Variants in PRR14L observed in about 807,000 individuals in gnomAD.
PRR14L encodes the protein protein PRR14L.
PRR14L carries 80 observed loss-of-function variants against 155.0 expected under a neutral mutation model. The ratio of observed to expected loss-of-function variants is 0.52; its 90% confidence interval spans 0.43 to 0.62. The LOEUF (loss-of-function observed/expected upper bound fraction) is 0.62. Ranked by LOEUF, PRR14L falls within the 20% of genes least tolerant of loss-of-function variation. The pLI, the probability that PRR14L is intolerant of heterozygous loss-of-function variation, is 0.00. For synonymous variants in PRR14L, 883 were observed against 916.0 expected, an observed-to-expected ratio of 0.96 and a Z score of 0.65; for missense variants, 2,469 against 2,548.0, an observed-to-expected ratio of 0.97 and a Z score of 0.67.
In PRR14L at chr22:31,681,450, C is replaced by T. The variant is rs2074453310; in HGVS notation, c.*4077G>A. 1 of 152,174 alleles carries T rather than the reference C, an allele frequency of 6.6e-6. No individual in the cohort carries two copies. The highest frequency in any genetic ancestry group is 2.4e-5 in the African/African-American group (1 of 41,442). The allele number at this position is 152,174 out of a possible 1,614,324, so 9.4% of individuals were successfully genotyped here. A position where few individuals can be genotyped will look rare whatever the true frequency, so the allele number is the denominator to read the frequency against. On this transcript the variant is annotated 3_prime_UTR_variant, in exon 9 of 9. Coordinates refer to ENST00000327423, the MANE Select transcript of PRR14L (RefSeq NM_173566.3). ...AACAGAAAAGGAACTGCAGGGGCAT[C>T]ATGTATACCAATGTTACCAAAAATG... is the stretch of plus-strand genomic sequence containing the variant.
Position 31,704,689 on chromosome 22 carries a change from C to T in PRR14L, c.5794G>A (p.Glu1932Lys). 1 of 1,613,938 alleles carries T rather than the reference C, an allele frequency of 6.2e-7. No individual in the cohort carries two copies. Among genetic ancestry groups the T allele is most frequent in the Non-Finnish European group, 8.5e-7 (1 of 1,179,930 alleles). The change falls in exon 5 of 9, where the codon GAA (glutamate) becomes AAA (lysine). Residue 1932 changes from glutamate to lysine, a missense_variant. Around this residue, in one of 2 missense-constraint regions of PRR14L, gnomAD observed 2,363 missense variants for 2,371.6 expected, o/e 1.00. Transcript: ENST00000327423. Reference sequence around the variant, plus strand: ...CTGCCGCTGGTGTTATATGTAGCTTCCATGCCTGGAAGAGGCACATATGGT... The same window carrying T: ...CTGCCGCTGGTGTTATATGTAGCTTTCATGCCTGGAAGAGGCACATATGGT... ...MLPYVPLPGMEATYNTSGSQT... is the reference protein window; with the variant it reads ...MLPYVPLPGMKATYNTSGSQT...
chr22:31,702,647 C>T (rs1416808643), intron 6 of PRR14L, among the ~76,000 whole-genome samples: 1 of 152,028 alleles, frequency 6.6e-6, no homozygotes, highest in Non-Finnish European at 1.5e-5. Flanking sequence ...TCCAGAGTAC[C>T]TGGGATTACA....
intron 1 of PRR14L, among the ~76,000 whole-genome samples, chr22:31,748,091 C>T (rs796714467): frequency 6.6e-6 from 1 of 151,728 alleles, no homozygotes; most frequent in Non-Finnish European, 1.5e-5. Flanking sequence ...TAACACTAGG[C>T]GCTGCCATGC....
At position 31,681,503 on chromosome 22, in the gene PRR14L, G is replaced by A. The variant is rs1240273465; in HGVS notation, c.*4024C>T. 6.6e-6 allele frequency: 1 copy of A among 152,122 alleles called. No homozygotes were observed. Among genetic ancestry groups the A allele is most frequent in the Non-Finnish European group, 1.5e-5 (1 of 68,016 alleles). The allele number at this position is 152,122 out of a possible 1,614,324, so 9.4% of individuals were successfully genotyped here. On this transcript the variant is annotated 3_prime_UTR_variant, in exon 9 of 9. Transcript: ENST00000327423. ...CAAATTTCATTGAACTACTGACCAT[G>A]ATAATATATAAACATGTCAGGCAGC...
At chr22:31,705,003 T>C (rs112677167) in intron 4 of PRR14L, among the ~76,000 whole-genome samples, 1,672 of 152,276 alleles carry the variant, frequency 0.011, 32 homozygotes, top group African/African-American at 0.038. Context: ...CTGATGCCTA[T>C]AATCCCAGCA....
chr22:31,723,713 G>A (rs1048689322), intron 3 of PRR14L, among the ~76,000 whole-genome samples: 1 of 152,234 alleles, frequency 6.6e-6, no homozygotes, highest in African/African-American at 2.4e-5. Flanking sequence ...ATCTGCAGCA[G>A]CAGGAAGCTG....
intron 3 of PRR14L, among the ~76,000 whole-genome samples, chr22:31,721,809 CACATT>C (rs1482093403): frequency 1.3e-5 from 2 of 152,124 alleles, no homozygotes; most frequent in African/African-American, 4.8e-5. Context: ...CCAAACCATG[CACATT>C]ACATATCAAT....
rs1188973709 is a variant in PRR14L at position 31,714,891 on chromosome 22, T to C, written c.2948A>G (p.Lys983Arg). The C allele has an allele frequency of 1.3e-5, 20 of 1,551,850 alleles. No individual in the cohort carries two copies. The South Asian group carries it at 2.4e-4, about 18-fold the overall frequency. ...CTCCTTGGCTGACTGACCTTCACTT[T>C]TGCATTCATCTGGTCTGTTTTGGTT... ...QSNQNRPDECKSEGQSAKEML... is the reference protein window; with the variant it reads ...QSNQNRPDECRSEGQSAKEML... The change falls in exon 4 of 9, where the codon AAA (lysine) becomes AGA (arginine). Residue 983 changes from lysine to arginine, a missense_variant. Coordinates refer to ENST00000327423, the MANE Select transcript of PRR14L (RefSeq NM_173566.3).
intron 4 of PRR14L, among the ~76,000 whole-genome samples, chr22:31,706,290 G>T (rs900657333): frequency 2.1e-5 from 3 of 145,602 alleles, no homozygotes; most frequent in Non-Finnish European, 3.0e-5. Flanking sequence ...TTGAACCCAG[G>T]AGGCAGAGGC....
At chr22:31,733,130 G>T (rs1027249152) in intron 2 of PRR14L, among the ~76,000 whole-genome samples, 2 of 151,656 alleles carry the variant, frequency 1.3e-5, no homozygotes, top group Admixed American at 6.6e-5. Flanking sequence ...TGGGATTACA[G>T]GCGACCGCCA....
chr22:31,725,860 C>A (rs141544773), intron 2 of PRR14L, among the ~76,000 whole-genome samples: 1 of 151,812 alleles, frequency 6.6e-6, no homozygotes, highest in Non-Finnish European at 1.5e-5. Context: ...CTACAGACAG[C>A]GTTTCACCAT....
At chr22:31,720,191 C>G (rs1382443355) in intron 3 of PRR14L, among the ~76,000 whole-genome samples, 1 of 152,104 alleles carries the variant, frequency 6.6e-6, no homozygotes, top group Non-Finnish European at 1.5e-5. Flanking sequence ...CTTTCTTTTG[C>G]TCTGTTTTTT....
intron 1 of PRR14L, among the ~76,000 whole-genome samples, chr22:31,747,498 G>C (rs1032993689): frequency 6.7e-6 from 1 of 149,546 alleles, no homozygotes; most frequent in African/African-American, 2.5e-5. Flanking sequence ...GCAGAGTCTT[G>C]AGTGTGTTAA....
At position 31,688,310 on chromosome 22, in the gene PRR14L, T is replaced by C. The variant is rs2074492970; in HGVS notation, c.6108-83A>G. The stretch of plus-strand genomic sequence containing the variant: ...GAAGGTCTTGCTCTGTTGCCCAGGC[T>C]GAAGGGCAGTGACATGATCATAGCT... On this transcript the variant is annotated intron_variant, in intron 7 of 8. Transcript: ENST00000327423. 4 of 1,411,432 alleles carry C rather than the reference T, an allele frequency of 2.8e-6. No homozygotes were observed. In the South Asian group the frequency reaches 5.6e-5, roughly 20 times the overall value. The allele number at this position is 1,411,432 out of a possible 1,614,324, so 87.4% of individuals were successfully genotyped here. A position where few individuals can be genotyped will look rare whatever the true frequency, so the allele number is the denominator to read the frequency against.
intron 1 of PRR14L, among the ~76,000 whole-genome samples, chr22:31,742,367 CTTT>C (rs66721130): frequency 1.4e-5 from 2 of 143,090 alleles, no homozygotes; most frequent in African/African-American, 5.2e-5. Context: ...AAAACTCTTC[CTTT>C]TTTTTTTTTT....
At position 31,712,382 on chromosome 22, in the gene PRR14L, G is replaced by T. The variant is rs758434562; in HGVS notation, c.5457C>A (p.Gly1819=). 161 of 1,608,268 alleles carry T rather than the reference G, an allele frequency of 1.0e-4. No individual in the cohort carries two copies. The highest frequency in any genetic ancestry group is 1.6e-4 in the Middle Eastern group (1 of 6,078). ...AACAAAGTGCTAGAAGTGTGTGAAGGCCAAGGACAGAGCAGTCTGCTCTGG... is the reference window on the plus strand; with the variant it reads ...AACAAAGTGCTAGAAGTGTGTGAAGTCCAAGGACAGAGCAGTCTGCTCTGG... ...VQTRADCSVL[G]LHTLLALCSP... is the part of the protein sequence containing the mutation. The change falls in exon 4 of 9, where the codon GGC becomes GGA. Residue 1819 remains glycine (G), a synonymous_variant. Coordinates refer to ENST00000327423, the MANE Select transcript of PRR14L (RefSeq NM_173566.3).
At position 31,685,312 on chromosome 22, in the gene PRR14L, T is replaced by C. The variant is rs1257403752; in HGVS notation, c.*215A>G. 5 of 545,928 alleles carry C rather than the reference T, an allele frequency of 9.2e-6. No homozygotes were observed. The African/African-American group carries it at 9.5e-5, about 10-fold the overall frequency. 33.8% of individuals were successfully genotyped at this position (545,928 alleles called of 1,614,324 possible). ...AGGGAGCATTCCTGAGGTTCTATAC[T>C]CAGCAGTAAAAGTAGAGGACCCTCC... On this transcript the variant is annotated 3_prime_UTR_variant, in exon 9 of 9. Coordinates refer to ENST00000327423, the MANE Select transcript of PRR14L (RefSeq NM_173566.3).
At chr22:31,694,004 C>A (rs190999068) in intron 7 of PRR14L, among the ~76,000 whole-genome samples, 1 of 152,266 alleles carries the variant, frequency 6.6e-6, no homozygotes, top group East Asian at 1.9e-4. Flanking sequence ...AGGCAAGGCA[C>A]GGTGGCTCAC....
At chr22:31,712,047 A>G in intron 4 of PRR14L, 36 bp downstream of exon 4, 2 of 1,549,306 alleles carry the variant, frequency 1.3e-6, no homozygotes, top group South Asian at 1.2e-5. Context: ...GGAAGCAAAT[A>G]TGGGACATTT....
Sources: gnomAD v4.1 joint callset for allele counts (sites outside exome capture counted in the v4.1 genomes callset) on GRCh38, gnomAD v4.1.1 for gene constraint, gnomAD v4.1.1 regional missense constraint, MANE v1.5 for transcripts, NCBI Gene and HGNC (gene_info 2026-07-23, HGNC 2026-07-21) for gene names.